Variants in LPA observed in about 807,000 individuals in gnomAD.
LPA encodes apolipoprotein(a).
LPA carries 199 observed loss-of-function variants against 197.9 expected under a neutral mutation model. The ratio of observed to expected loss-of-function variants is 1.01; its 90% CI spans 0.90 to 1.13. The LOEUF (loss-of-function observed/expected upper bound fraction) is 1.13, where lower values mean the gene tolerates loss of function less well. Among genes scored for constraint, LPA ranks in the 50% most tolerant of loss-of-function variants. The pLI, the probability that LPA is intolerant of heterozygous loss-of-function variation, is 0.00. For missense variants in LPA, 1,853 were observed against 1,785.8 expected (o/e 1.04, Z -0.68); for synonymous variants, 715 against 639.5 (o/e 1.12, Z -1.78).
At chr6:160,646,879 G>C (rs879301116) in intron 2 of LPA, among the ~76,000 whole-genome samples, 1 of 150,572 alleles carries the variant, frequency 6.6e-6, no homozygotes, top group Non-Finnish European at 1.5e-5. Context: ...AGAAAACATG[G>C]CATCAAGGAG....
intron 20 of LPA, among the ~76,000 whole-genome samples, chr6:160,598,576 C>A (rs1347129858): frequency 1.3e-5 from 2 of 152,344 alleles, no homozygotes; most frequent in Middle Eastern, 3.4e-3. Context: ...TTGGTAGTCA[C>A]TTATGGCCGA....
At chr6:160,561,852 C>T (rs1218521381) in intron 28 of LPA, among the ~76,000 whole-genome samples, 2 of 152,022 alleles carry the variant, frequency 1.3e-5, no homozygotes, top group African/African-American at 4.8e-5. Context: ...TGGGAATTCA[C>T]TCAGGATTTG....
chr6:160,559,884 G>A (rs564166168), intron 28 of LPA, among the ~76,000 whole-genome samples: 2 of 152,214 alleles, frequency 1.3e-5, no homozygotes, highest in South Asian at 4.2e-4. Context: ...GTGGTTTGCT[G>A]CACCCAGCAA....
intron 23 of LPA, among the ~76,000 whole-genome samples, chr6:160,590,506 G>T (rs1779005200): frequency 6.6e-6 from 1 of 152,106 alleles, no homozygotes; most frequent in Non-Finnish European, 1.5e-5. Context: ...GTCATATCAG[G>T]TTTCTCAAGG....
At chr6:160,548,010 G>A in intron 31 of LPA, 73 bp from the exon 32 acceptor site, 1 of 1,496,822 alleles carries the variant, frequency 6.7e-7, no homozygotes, top group South Asian at 1.1e-5. Context: ...GGACGATACA[G>A]AATCAATGCA....
chr6:160,558,973 G>A (rs1161006941), intron 28 of LPA, among the ~76,000 whole-genome samples: 2 of 152,208 alleles, frequency 1.3e-5, no homozygotes, highest in Non-Finnish European at 2.9e-5. Context: ...GCAACTGGAT[G>A]TGCTAAAAGG....
At chr6:160,651,297 A>G (rs1425004769) in intron 1 of LPA, among the ~76,000 whole-genome samples, 4 of 152,184 alleles carry the variant, frequency 2.6e-5, no homozygotes, top group Non-Finnish European at 5.9e-5. Context: ...GGGTTAGATT[A>G]TGTGTATGAA....
chr6:160,584,485 C>T (rs376670390), intron 26 of LPA, among the ~76,000 whole-genome samples: 3 of 151,766 alleles, frequency 2.0e-5, no homozygotes, highest in African/African-American at 7.3e-5. Context: ...GTACCCACCA[C>T]CATGACCGGC....
chr6:160,592,488 T>G (rs1410448277), intron 22 of LPA, among the ~76,000 whole-genome samples: 1 of 152,230 alleles, frequency 6.6e-6, no homozygotes, highest in Non-Finnish European at 1.5e-5. Context: ...GAGGTGCATT[T>G]TAAATGTTCT....
chr6:160,648,232 C>T (rs1271758249), intron 2 of LPA, among the ~76,000 whole-genome samples: 3 of 152,176 alleles, frequency 2.0e-5, no homozygotes, highest in Non-Finnish European at 2.9e-5. Context: ...TAGCAAGACA[C>T]AGCTTTTTGT....
Position 160,578,702 on chromosome 6 carries a change from C to T in LPA, c.4292G>A (p.Gly1431Asp). 1 of 1,613,738 alleles carries T rather than the reference C, an allele frequency of 6.2e-7. No individual in the cohort carries two copies. ...ATTCCTGCAGTAGTTCCTGGTCAGGCCACTGCAAATTTCAAAACAACACAG... is the reference window on the plus strand; with the variant it reads ...ATTCCTGCAGTAGTTCCTGGTCAGGTCACTGCAAATTTCAAAACAACACAG... Reference protein sequence around the residue: ...RRIPLYYPNAGLTRNYCRNPD... With the variant: ...RRIPLYYPNADLTRNYCRNPD... The change falls in exon 27 of 39, where the codon GGC becomes GAC. Residue 1431 changes from glycine to aspartate, a missense_variant and splice_region_variant. This residue lies in a region of LPA where 1,737 missense variants were observed against 1,504.4 expected (regional missense o/e 1.15). Transcript: ENST00000316300.
At chr6:160,575,659 C>T (rs1274535466) in intron 28 of LPA, among the ~76,000 whole-genome samples, 1 of 152,060 alleles carries the variant, frequency 6.6e-6, no homozygotes, top group African/African-American at 2.4e-5. Flanking sequence ...TACTGAATGC[C>T]CAAGATTTGC....
intron 28 of LPA, among the ~76,000 whole-genome samples, chr6:160,568,103 C>A (rs553406782): frequency 2.0e-5 from 3 of 152,194 alleles, no homozygotes; most frequent in East Asian, 1.9e-4. Flanking sequence ...CTATTCCAAT[C>A]ATAGAAAAAG....
intron 28 of LPA, among the ~76,000 whole-genome samples, chr6:160,565,800 C>A (rs1778442143): frequency 6.6e-6 from 1 of 152,108 alleles, no homozygotes; most frequent in Non-Finnish European, 1.5e-5. Flanking sequence ...AGATGAATGG[C>A]AGACTAAAAT....
At position 160,596,793 on chromosome 6, in the gene LPA, C is replaced by T. The variant is rs181888811; in HGVS notation, c.3288-1258G>A. Among the ~76,000 whole-genome samples, 596 of 152,312 alleles carry T rather than the reference C, an allele frequency of 3.9e-3. 3 individuals carry two copies. Among genetic ancestry groups the T allele is most frequent in the Non-Finnish European group, 7.0e-3 (474 of 68,014 alleles). ...TTGCAGTTTGAAATCTTGATTATTA[C>T]ATGCTTCTGTTTTTCCCTAAGAGCA... On this transcript the variant is annotated intron_variant, in intron 20 of 38. Transcript: ENST00000316300.
intron 20 of LPA, among the ~76,000 whole-genome samples, chr6:160,595,861 A>G (rs1262140603): frequency 6.6e-6 from 1 of 152,214 alleles, no homozygotes; most frequent in Non-Finnish European, 1.5e-5. Context: ...TATACTCTGT[A>G]CATTGTACAA....
In LPA at chr6:160,556,142, C is replaced by T. The variant is rs1778259105; in HGVS notation, c.4856G>A (p.Gly1619Asp). 3 of 1,613,868 alleles carry T rather than the reference C, an allele frequency of 1.9e-6. No individual in the cohort carries two copies. The highest frequency in any genetic ancestry group is 1.1e-5 in the South Asian group (1 of 91,068). Residue 1619 changes from glycine to aspartate, a missense_variant, in exon 30 of 39, where the codon GGT becomes GAT. Around this residue, in one of 3 missense-constraint regions of LPA, gnomAD observed 1,737 missense variants for 1,504.4 expected, o/e 1.15. Coordinates refer to ENST00000316300, the MANE Select transcript of LPA (RefSeq NM_005577.4). The stretch of plus-strand genomic sequence containing the variant: ...TGTGCCTCGATAACTCTGGCCATTA[C>T]CATGGTAGCACTGCCGGACCACAGG... ...QTPVVRQCYH[G>D]NGQSYRGTFS...
intron 27 of LPA, 42 bp from the exon 28 acceptor site, chr6:160,577,337 A>C (rs1254943277): frequency 6.3e-7 from 1 of 1,590,334 alleles, no homozygotes; most frequent in Non-Finnish European, 8.6e-7. Flanking sequence ...TAATTGCATG[A>C]GCAGAGAAAC....
intron 7 of LPA, among the ~76,000 whole-genome samples, chr6:160,634,374 G>A (rs1221378025): frequency 9.7e-6 from 1 of 103,242 alleles, no homozygotes; most frequent in African/African-American, 4.4e-5. Flanking sequence ...AGGCCATGGG[G>A]CAGAAAACGA....
Sources: gnomAD v4.1 joint callset for allele counts (sites outside exome capture counted in the v4.1 genomes callset) on GRCh38, gnomAD v4.1.1 for gene constraint, gnomAD v4.1.1 regional missense constraint, MANE v1.5 for transcripts, NCBI Gene and HGNC (gene_info 2026-07-23, HGNC 2026-07-21) for gene names.